Variants in GADL1 observed in about 807,000 individuals in gnomAD.
GADL1 encodes the protein GAD like acidic amino acid decarboxylase 1.
GADL1 carries 71 observed loss-of-function variants against 69.5 expected under a neutral mutation model. That is an observed-to-expected ratio of 1.02 (90% CI 0.84 to 1.25). The LOEUF is 1.25. Among genes scored for constraint, GADL1 ranks in the 50% most tolerant of loss-of-function variants. The probability of loss-of-function intolerance (pLI) is 0.00; values close to 1 mark genes in which losing one functional copy is unlikely to be tolerated. For synonymous variants in GADL1, 254 were observed against 214.4 expected (o/e 1.18, Z -1.62); for missense variants, 737 against 631.8 (o/e 1.17, Z -1.79).
At chr3:30,777,597 CA>C in intron 14 of GADL1, among the ~76,000 whole-genome samples, 1 of 152,304 alleles carries the variant, frequency 6.6e-6, no homozygotes, top group Non-Finnish European at 1.5e-5. Flanking sequence ...AGATGAGACA[CA>C]AGCAGTCCCT....
intron 11 of GADL1, among the ~76,000 whole-genome samples, chr3:30,807,888 C>T (rs577244226): frequency 6.6e-6 from 1 of 151,948 alleles, no homozygotes; most frequent in East Asian, 2.0e-4. Context: ...AAAAATCAGG[C>T]AGGTATGGTG....
rs189657734 is a variant in GADL1, at chr3:30,878,094, G to A, written c.38-16329C>T. On this transcript the variant is annotated intron_variant, in intron 1 of 14. Transcript: ENST00000282538. ...AAAAGGGAACCCTCTGGAGTTTGGG[G>A]TGAGAGTTTTAGCCCTGACTCTGGC... is the stretch of plus-strand genomic sequence containing the variant. 2.6e-5 allele frequency among the ~76,000 whole-genome samples: 4 copies of A among 151,998 alleles called. No homozygotes were observed. In the East Asian group the frequency reaches 7.8e-4, roughly 30 times the overall value.
At chr3:30,845,326 G>C (rs1048135202) in intron 6 of GADL1, among the ~76,000 whole-genome samples, 1 of 152,000 alleles carries the variant, frequency 6.6e-6, no homozygotes, top group Non-Finnish European at 1.5e-5. Context: ...TGGATATGTC[G>C]CTCTTCATAC....
At chr3:30,894,390 G>A (rs1023791426) in intron 1 of GADL1, among the ~76,000 whole-genome samples, 188 bp downstream of exon 1, 1 of 152,198 alleles carries the variant, frequency 6.6e-6, no homozygotes, top group Non-Finnish European at 1.5e-5. Context: ...TAACTCATTT[G>A]ATTCTAAATA....
Position 30,734,180 on chromosome 3 carries a change from A to T in GADL1, c.1393-5765T>A, listed in dbSNP as rs149551438. On this transcript the variant is annotated intron_variant, in intron 14 of 14. Transcript: ENST00000282538. The stretch of plus-strand genomic sequence containing the variant: ...CAGTGAATTTAAGGTCTTCAGAACC[A>T]TGTTAGATCACAAAGTCTCACATCG... 3.0e-4 allele frequency among the ~76,000 whole-genome samples: 45 copies of T among 152,336 alleles called. 1 individual carries two copies. The highest frequency in any genetic ancestry group is 1.0e-3 in the African/African-American group (42 of 41,584).
intron 14 of GADL1, among the ~76,000 whole-genome samples, chr3:30,771,175 C>T (rs189597521): frequency 1.3e-5 from 2 of 152,314 alleles, no homozygotes; most frequent in African/African-American, 4.8e-5. Flanking sequence ...GAGAAAAGCA[C>T]TGAGTATTCC....
intron 8 of GADL1, among the ~76,000 whole-genome samples, chr3:30,840,695 G>A (rs1421027917): frequency 1.3e-5 from 2 of 152,128 alleles, no homozygotes; most frequent in African/African-American, 4.8e-5. Flanking sequence ...AGCTATTATA[G>A]CCTATTAATG....
intron 13 of GADL1, 131 bp from the exon 14 acceptor site, chr3:30,778,399 T>C (rs778783190): frequency 4.8e-6 from 3 of 627,020 alleles, no homozygotes; most frequent in South Asian, 2.2e-5. Flanking sequence ...CAGAATCTTA[T>C]AGAGTAACAA....
chr3:30,773,658 T>C (rs1458345206), intron 14 of GADL1, among the ~76,000 whole-genome samples: 4 of 152,178 alleles, frequency 2.6e-5, no homozygotes, highest in African/African-American at 9.7e-5. Context: ...ACAAATTTGT[T>C]TATAAGTTAT....
At chr3:30,757,068 C>T (rs1287355755) in intron 14 of GADL1, among the ~76,000 whole-genome samples, 1 of 152,126 alleles carries the variant, frequency 6.6e-6, no homozygotes, top group Non-Finnish European at 1.5e-5. Flanking sequence ...GTGGTAGTCA[C>T]AACTTCTGGC....
intron 14 of GADL1, 36 bp downstream of exon 14, chr3:30,778,143 C>T: frequency 8.5e-7 from 1 of 1,175,614 alleles, no homozygotes; most frequent in Non-Finnish European, 1.3e-6. Flanking sequence ...GAATCTACTT[C>T]ATCAAAAAGA....
intron 13 of GADL1, among the ~76,000 whole-genome samples, chr3:30,783,214 AAAG>A (rs909246356): frequency 2.0e-5 from 3 of 152,098 alleles, no homozygotes; most frequent in Non-Finnish European, 2.9e-5. Flanking sequence ...GACCTTGAGA[AAAG>A]AAAAAGTTGA....
chr3:30,863,271 T>C (rs1698348523), intron 1 of GADL1, among the ~76,000 whole-genome samples: 1 of 151,960 alleles, frequency 6.6e-6, no homozygotes, highest in Non-Finnish European at 1.5e-5. Flanking sequence ...ATTTTCTACA[T>C]AGAGAGTGAT....
intron 1 of GADL1, among the ~76,000 whole-genome samples, chr3:30,874,765 A>AAAC (rs1461611268): frequency 6.6e-6 from 1 of 151,966 alleles, no homozygotes; most frequent in Non-Finnish European, 1.5e-5. Flanking sequence ...CATTTATACA[A>AAAC]AACAACAACT....
chr3:30,842,822 TAAAA>T (rs558126002), intron 8 of GADL1, among the ~76,000 whole-genome samples: 10 of 103,492 alleles, frequency 9.7e-5, no homozygotes, highest in East Asian at 6.4e-4. Context: ...TTGGAATGTT[TAAAA>T]AAAAAAAAAA....
intron 14 of GADL1, among the ~76,000 whole-genome samples, chr3:30,752,908 C>CTGGT (rs1695863783): frequency 1.3e-5 from 2 of 152,086 alleles, no homozygotes; most frequent in Non-Finnish European, 2.9e-5. Context: ...TGATGGCAAG[C>CTGGT]TGGTAGGGCT....
At chr3:30,844,347 TC>T in intron 7 of GADL1, 39 bp downstream of exon 7, 3 of 1,574,508 alleles carry the variant, frequency 1.9e-6, no homozygotes, top group Non-Finnish European at 2.6e-6. Flanking sequence ...TATAAACTTT[TC>T]CCTCCACCCA....
Position 30,810,428 on chromosome 3 carries a change from T to TATAG in GADL1, c.1051-9341_1051-9340insCTAT, listed in dbSNP as rs532926335. 4.0e-3 allele frequency among the ~76,000 whole-genome samples: 609 copies of TATAG among 152,166 alleles called. 3 individuals are homozygous for TATAG. The highest frequency in any genetic ancestry group is 0.036 in the East Asian group (186 of 5,164). On this transcript the variant is annotated intron_variant, in intron 11 of 14. Transcript: ENST00000282538. ...ATAGGTAGATATAGAGATATATATA[T>TATAG]AGAGAGAGAGATCTGTGTTTGTCTT...
chr3:30,854,967 G>A (rs980563949), intron 3 of GADL1, among the ~76,000 whole-genome samples, 178 bp from the exon 4 acceptor site: 8 of 152,012 alleles, frequency 5.3e-5, no homozygotes, highest in Admixed American at 2.6e-4. Context: ...AGGAGATGGC[G>A]GTTAGAATTC....
Sources: allele counts gnomAD v4.1 joint callset (sites outside exome capture counted in the v4.1 genomes callset), GRCh38; gene constraint gnomAD v4.1.1; transcripts MANE v1.5; gene names NCBI Gene and HGNC (gene_info 2026-07-23, HGNC 2026-07-21).